HPGD: variants seen among roughly 807,000 people sequenced by gnomAD.
HPGD encodes the protein 15-hydroxyprostaglandin dehydrogenase [NAD(+)].
In HPGD, 29 loss-of-function variants were observed where a neutral mutation model predicts 30.0. That is an observed-to-expected ratio of 0.97 (90% confidence interval 0.72 to 1.32). The LOEUF (loss-of-function observed/expected upper bound fraction) is 1.32. Among genes scored for constraint, HPGD ranks in the 40% most tolerant of loss-of-function variants. The probability of loss-of-function intolerance (pLI) is 0.00; values close to 1 mark genes in which losing one functional copy is unlikely to be tolerated. For missense variants in HPGD, 340 were observed against 322.1 expected (o/e 1.06, Z -0.43); for synonymous variants, 99 against 112.4 (o/e 0.88, Z 0.75).
chr4:174,495,745 A>G, intron 4 of HPGD, 121 bp from the exon 5 acceptor site: 1 of 749,794 alleles, frequency 1.3e-6, no homozygotes, highest in South Asian at 1.5e-5. Context: ...TCTGAATAAC[A>G]CAGTAACATA....
chr4:174,500,639 C>T (rs1734855023), intron 4 of HPGD, among the ~76,000 whole-genome samples: 1 of 152,258 alleles, frequency 6.6e-6, no homozygotes, highest in South Asian at 2.1e-4. Context: ...AGAAGCCAAC[C>T]TGAAAAGGCT....
intron 3 of HPGD, among the ~76,000 whole-genome samples, chr4:174,512,072 A>G (rs1023449192): frequency 5.3e-5 from 8 of 152,180 alleles, no homozygotes; most frequent in Admixed American, 1.3e-4. Context: ...AGTGGGAAGA[A>G]GGATGAGATC....
upstream of HPGD, chr4:174,522,840 C>T (rs17524430): frequency 3.4e-5 from 6 of 175,266 alleles, no homozygotes; most frequent in East Asian, 4.6e-4. Flanking sequence ...AGCTTGGATC[C>T]CTCCTCCTGC....
At chr4:174,515,442 G>T (rs927367378) in intron 3 of HPGD, among the ~76,000 whole-genome samples, 1 of 152,124 alleles carries the variant, frequency 6.6e-6, no homozygotes, top group Non-Finnish European at 1.5e-5. Flanking sequence ...ATTGTGCTGG[G>T]ATAACCAGGT....
intron 4 of HPGD, among the ~76,000 whole-genome samples, chr4:174,505,450 T>C (rs563724392): frequency 2.6e-5 from 4 of 152,330 alleles, no homozygotes; most frequent in Admixed American, 2.6e-4. Flanking sequence ...AGATTATTTT[T>C]GTGCTCTCAC....
intron 3 of HPGD, among the ~76,000 whole-genome samples, chr4:174,512,772 A>G (rs1429017354): frequency 1.3e-5 from 2 of 152,202 alleles, no homozygotes; most frequent in African/African-American, 4.8e-5. Context: ...GAAGCTGAAA[A>G]GTGGCCTATG....
chr4:174,508,282 C>T (rs1180137960), intron 4 of HPGD: 2 of 612,126 alleles, frequency 3.3e-6, no homozygotes, highest in Admixed American at 5.0e-5. Flanking sequence ...CATATCTTAA[C>T]TATGATATAT....
At chr4:174,521,759 C>T (rs2110887643) in intron 2 of HPGD, among the ~76,000 whole-genome samples, 185 bp downstream of exon 2, 1 of 152,316 alleles carries the variant, frequency 6.6e-6, no homozygotes. Context: ...GCCTTTCTTT[C>T]GGTTTTACAG....
At position 174,510,771 on chromosome 4, in the gene HPGD, A is replaced by G. The variant is rs368080490; in HGVS notation, c.325-1979T>C. ...CATTTTTCACTTTTCCTCCTTTACT[A>G]TAACAACGTAGTCCTTATTCTAGAT... On this transcript the variant is annotated intron_variant, in intron 3 of 6. Transcript: ENST00000296522. Among the ~76,000 whole-genome samples, 8 of 152,258 alleles carry G rather than the reference A, an allele frequency of 5.3e-5. No homozygotes were observed. The East Asian group carries it at 5.8e-4, about 11-fold the overall frequency.
intron 2 of HPGD, among the ~76,000 whole-genome samples, chr4:174,520,853 T>C (rs544989668): frequency 3.8e-4 from 58 of 152,354 alleles, no homozygotes; most frequent in African/African-American, 1.3e-3. Context: ...AAATCTGTTC[T>C]GCTCATGCTT....
chr4:174,519,300 A>G (rs1251981842), intron 2 of HPGD, among the ~76,000 whole-genome samples: 3 of 148,508 alleles, frequency 2.0e-5, no homozygotes, highest in Non-Finnish European at 4.4e-5. Context: ...TGCAAGCTCC[A>G]CCTCCCGGGT....
chr4:174,512,451 T>C (rs1322499235), intron 3 of HPGD, among the ~76,000 whole-genome samples: 1 of 152,212 alleles, frequency 6.6e-6, no homozygotes, highest in African/African-American at 2.4e-5. Flanking sequence ...TAAAGTCTTT[T>C]AAGAGGTTAC....
At chr4:174,519,002 G>A (rs551606430) in intron 2 of HPGD, among the ~76,000 whole-genome samples, 1 of 152,162 alleles carries the variant, frequency 6.6e-6, no homozygotes, top group Non-Finnish European at 1.5e-5. Context: ...AAAAAAGTAG[G>A]TCAGCATAAG....
At chr4:174,495,349 G>T in intron 5 of HPGD, 199 bp downstream of exon 5, 1 of 599,626 alleles carries the variant, frequency 1.7e-6, no homozygotes. Flanking sequence ...TCTGTATTTA[G>T]AATCCACTTC....
chr4:174,511,622 T>C (rs1735498804), intron 3 of HPGD, among the ~76,000 whole-genome samples: 1 of 152,192 alleles, frequency 6.6e-6, no homozygotes, highest in Non-Finnish European at 1.5e-5. Flanking sequence ...CAAAGACTCA[T>C]TCTTTCCTGA....
At chr4:174,507,774 C>G (rs1239484376) in intron 4 of HPGD, 1 of 215,028 alleles carries the variant, frequency 4.7e-6, no homozygotes, top group Non-Finnish European at 9.1e-6. Flanking sequence ...TCCAAAAAGT[C>G]CAGTCAGAGG....
intron 3 of HPGD, among the ~76,000 whole-genome samples, chr4:174,516,597 C>T (rs1004735038): frequency 1.3e-5 from 2 of 152,062 alleles, no homozygotes; most frequent in Non-Finnish European, 2.9e-5. Context: ...ACACGATTTA[C>T]TCAGGTAACA....
At chr4:174,509,515 G>T (rs1235278021) in intron 3 of HPGD, among the ~76,000 whole-genome samples, 1 of 152,174 alleles carries the variant, frequency 6.6e-6, no homozygotes, top group Non-Finnish European at 1.5e-5. Flanking sequence ...ATGCTGCTGA[G>T]AAATTTTTTG....
Position 174,521,977 on chromosome 4 carries a change from G to T in HPGD, c.184C>A (p.Gln62Lys). 1 of 1,614,106 alleles carries T rather than the reference G, an allele frequency of 6.2e-7. No homozygotes were observed. Among genetic ancestry groups the T allele is most frequent in the Non-Finnish European group, 8.5e-7 (1 of 1,179,962 alleles). ...TGTTGCTGGTCAGCCACATCGCACT[G>T]GATGAACAGAGTCTTCTGAGGTTCA... Reference protein sequence around the residue: ...QFEPQKTLFIQCDVADQQQLR... With the variant: ...QFEPQKTLFIKCDVADQQQLR... The change falls in exon 2 of 7, where the codon CAG becomes AAG. Residue 62 changes from glutamine (Q) to lysine (K), a missense_variant. Gln to Lys is a moderately conservative substitution (Grantham distance 53). Coordinates refer to ENST00000296522, the MANE Select transcript of HPGD (RefSeq NM_000860.6).
Sources: gnomAD v4.1 joint callset for allele counts (sites outside exome capture counted in the v4.1 genomes callset) on GRCh38, gnomAD v4.1.1 for gene constraint, MANE v1.5 for transcripts, NCBI Gene and HGNC (gene_info 2026-07-23, HGNC 2026-07-21) for gene names.